Variants in ACSS3 observed in about 807,000 individuals in gnomAD.
ACSS3 encodes acyl-CoA synthetase short-chain family member 3, mitochondrial.
In ACSS3, 64 loss-of-function variants were observed where a neutral mutation model predicts 84.2. The observed-to-expected ratio is 0.76, with a 90% CI of 0.62 to 0.94. The LOEUF (loss-of-function observed/expected upper bound fraction) is 0.94, where lower values mean the gene tolerates loss of function less well. ACSS3 is among the 40% of genes least tolerant of loss of function. The pLI, the probability that ACSS3 is intolerant of heterozygous loss-of-function variation, is 0.00. For synonymous variants in ACSS3, 317 were observed against 310.1 expected (o/e 1.02, Z -0.23); for missense variants, 815 against 867.6 (o/e 0.94, Z 0.76).
At chr12:81,128,256 TA>T (rs1159008390) in intron 2 of ACSS3, among the ~76,000 whole-genome samples, 1 of 152,138 alleles carries the variant, frequency 6.6e-6, no homozygotes, top group East Asian at 1.9e-4. Flanking sequence ...CCTGTAGACT[TA>T]ACCTCAGTTT....
chr12:81,199,900 G>A (rs1051909848), intron 9 of ACSS3: 2 of 317,754 alleles, frequency 6.3e-6, no homozygotes, highest in Non-Finnish European at 1.2e-5. Context: ...GTCCTTTTAT[G>A]AAGGCTTGTT....
rs76734878 is a variant in ACSS3, at chr12:81,192,093, C to G, written c.1251-7248C>G. On this transcript the variant is annotated intron_variant, in intron 8 of 15. Coordinates refer to ENST00000548058, the MANE Select transcript of ACSS3 (RefSeq NM_024560.4). ...TTATATCACTGTTATAAGAAAATAG[C>G]TATTTTGGCCGGGTGCGGTGGCTCG... is the stretch of plus-strand genomic sequence containing the variant. Among the ~76,000 whole-genome samples the G allele has an allele frequency of 9.2e-5, 14 of 152,200 alleles. No individual in the cohort carries two copies. The East Asian group carries it at 2.7e-3, about 29-fold the overall frequency.
intron 1 of ACSS3, among the ~76,000 whole-genome samples, chr12:81,097,296 G>A (rs989365412): frequency 1.3e-5 from 2 of 152,122 alleles, no homozygotes; most frequent in Non-Finnish European, 2.9e-5. Context: ...TCTCAGTTCT[G>A]CTGTTGTAGA....
At chr12:81,245,087 A>G (rs1302961016) in intron 13 of ACSS3, among the ~76,000 whole-genome samples, 1 of 152,176 alleles carries the variant, frequency 6.6e-6, no homozygotes, top group Non-Finnish European at 1.5e-5. Context: ...CTGTACTCCT[A>G]TGATTAAATC....
At chr12:81,147,072 A>G (rs529557456) in intron 5 of ACSS3, among the ~76,000 whole-genome samples, 15 of 152,220 alleles carry the variant, frequency 9.9e-5, no homozygotes, top group Admixed American at 9.2e-4. Flanking sequence ...ACGCTCTTGC[A>G]GTTAAAGTGC....
At chr12:81,252,128 T>TATC (rs1183187783) in intron 13 of ACSS3, among the ~76,000 whole-genome samples, 1 of 151,920 alleles carries the variant, frequency 6.6e-6, no homozygotes, top group Non-Finnish European at 1.5e-5. Flanking sequence ...GCCTAATAAA[T>TATC]ATCTACTCAT....
intron 8 of ACSS3, among the ~76,000 whole-genome samples, chr12:81,199,004 G>A (rs958320162): frequency 1.1e-4 from 16 of 152,042 alleles, no homozygotes; most frequent in African/African-American, 3.4e-4. Flanking sequence ...TAAAATTAGC[G>A]GAGACAATGT....
chr12:81,081,650 A>G (rs1479315083), intron 1 of ACSS3, among the ~76,000 whole-genome samples: 1 of 152,214 alleles, frequency 6.6e-6, no homozygotes, highest in Non-Finnish European at 1.5e-5. Flanking sequence ...TCTCTGGGCC[A>G]TCAATTTATC....
intron 2 of ACSS3, among the ~76,000 whole-genome samples, chr12:81,121,529 A>T (rs1884601315): frequency 6.6e-6 from 1 of 152,056 alleles, no homozygotes; most frequent in South Asian, 2.1e-4. Flanking sequence ...TTAGTGTATT[A>T]TTAAGCCTAG....
In ACSS3 at chr12:81,145,943, A is replaced by T. The variant is rs114597523; in HGVS notation, c.921+2696A>T. On this transcript the variant is annotated intron_variant, in intron 5 of 15. Transcript: ENST00000548058. ...CACATACAGAATGGCAAAAGAAGGT[A>T]GTTATCTCTTTAGGTCCCTCTTCCT... 3.8e-3 allele frequency among the ~76,000 whole-genome samples: 586 copies of T among 152,294 alleles called. 7 individuals are homozygous for T. Among genetic ancestry groups the T allele is most frequent in the African/African-American group, 0.014 (571 of 41,546 alleles).
In ACSS3 at chr12:81,253,375, T is replaced by C. The variant is rs35312560; in HGVS notation, c.1788T>C (p.His596=). 693 of 1,614,006 alleles carry C rather than the reference T, an allele frequency of 4.3e-4. 5 individuals are homozygous for C. The African/African-American group carries it at 8.3e-3, about 19-fold the overall frequency. ...VVGKEDPLKG[H]VPLALCVLRK... ...GCAAGGAAGATCCCTTAAAAGGTCA[T>C]GTCCCCTTAGCACTCTGTGTATTGA... Residue 596 remains histidine (H), a synonymous_variant, in exon 14 of 16, where the codon CAT becomes CAC. Coordinates refer to ENST00000548058, the MANE Select transcript of ACSS3 (RefSeq NM_024560.4).
At chr12:81,106,503 G>A (rs550013975) in intron 1 of ACSS3, among the ~76,000 whole-genome samples, 88 of 152,172 alleles carry the variant, frequency 5.8e-4, no homozygotes, top group Non-Finnish European at 8.5e-4. Context: ...AATGTAATGC[G>A]CTTGAATCAT....
intron 9 of ACSS3, among the ~76,000 whole-genome samples, chr12:81,201,830 T>A (rs973074258): frequency 2.0e-5 from 3 of 152,228 alleles, no homozygotes; most frequent in Non-Finnish European, 4.4e-5. Flanking sequence ...AGCTAGTAGC[T>A]AGATCGCTAG....
At chr12:81,143,546 T>C (rs781662051) in intron 5 of ACSS3, 27 of 173,024 alleles carry the variant, frequency 1.6e-4, no homozygotes, top group Admixed American at 3.1e-4. Context: ...GCTAGAAATA[T>C]ACAATTGCTT....
At chr12:81,146,921 A>G (rs989420538) in intron 5 of ACSS3, among the ~76,000 whole-genome samples, 8 of 152,174 alleles carry the variant, frequency 5.3e-5, no homozygotes, top group African/African-American at 9.6e-5. Flanking sequence ...AATCAAAAGG[A>G]AAAGATTGAA....
At chr12:81,129,550 T>G (rs1885346548) in intron 2 of ACSS3, among the ~76,000 whole-genome samples, 1 of 152,160 alleles carries the variant, frequency 6.6e-6, no homozygotes, top group Non-Finnish European at 1.5e-5. Context: ...AAATGTGATA[T>G]GGCCCCAACT....
chr12:81,233,465 T>C lies in ACSS3; in HGVS notation c.1713T>C (p.Ile571=), dbSNP rs148196401. The change falls in exon 13 of 16, where the codon ATT becomes ATC. Residue 571 remains isoleucine, a synonymous_variant. Coordinates refer to ENST00000548058, the MANE Select transcript of ACSS3 (RefSeq NM_024560.4). The stretch of plus-strand genomic sequence containing the variant: ...GTCACAGAATTTCTGCAGGCGCCAT[T>C]GAAGAGGTATTGATGAATATTGGTA... ...VAGHRISAGA[I]EESILSHGTV... 5.0e-4 allele frequency: 803 copies of C among 1,610,596 alleles called. 7 individuals are homozygous for C. In the Middle Eastern group the frequency reaches 0.025, roughly 51 times the overall value.
chr12:81,206,836 A>C (rs183763644), intron 9 of ACSS3, among the ~76,000 whole-genome samples: 1 of 152,308 alleles, frequency 6.6e-6, no homozygotes, highest in Admixed American at 6.5e-5. Context: ...TCTGAAAGTG[A>C]ATAACTGTTT....
chr12:81,158,685 C>T (rs1294613862), intron 7 of ACSS3, among the ~76,000 whole-genome samples: 7 of 152,124 alleles, frequency 4.6e-5, no homozygotes, highest in Non-Finnish European at 1.0e-4. Flanking sequence ...TATGCTCATT[C>T]CTGTCCCAGG....
Sources: allele counts gnomAD v4.1 joint callset (sites outside exome capture counted in the v4.1 genomes callset), GRCh38; gene constraint gnomAD v4.1.1; transcripts MANE v1.5; gene names NCBI Gene and HGNC (gene_info 2026-07-23, HGNC 2026-07-21).